The following VAC14 variants were observed in gnomAD, a reference collection of about 807,000 sequenced individuals.
VAC14 encodes protein VAC14 homolog.
VAC14 carries 47 observed loss-of-function variants against 85.3 expected under a neutral mutation model. The ratio of observed to expected loss-of-function variants is 0.55; its 90% CI spans 0.44 to 0.70. The LOEUF is 0.70. Ranked by LOEUF, VAC14 falls within the 30% of genes least tolerant of loss-of-function variation. The probability of loss-of-function intolerance (pLI) is 0.00; values close to 1 mark genes in which losing one functional copy is unlikely to be tolerated. For missense variants in VAC14, 861 were observed against 1,004.3 expected, an observed-to-expected ratio of 0.86 and a Z score of 1.93; for synonymous variants, 447 against 430.5, an observed-to-expected ratio of 1.04 and a Z score of -0.47.
chr16:70,712,956 TTCC>T (rs2054067845), intron 14 of VAC14, among the ~76,000 whole-genome samples: 1 of 152,108 alleles, frequency 6.6e-6, no homozygotes, highest in Non-Finnish European at 1.5e-5. Context: ...TAGTGGAGCT[TTCC>T]TCTCTAGAGG....
At chr16:70,694,083 C>T (rs990044848) in intron 17 of VAC14, among the ~76,000 whole-genome samples, 4 of 152,218 alleles carry the variant, frequency 2.6e-5, no homozygotes, top group Non-Finnish European at 4.4e-5. Flanking sequence ...ACACCAGCCA[C>T]CTCTAGGATC....
intron 12 of VAC14, among the ~76,000 whole-genome samples, chr16:70,751,653 AG>A (rs2031396388): frequency 6.6e-6 from 1 of 152,180 alleles, no homozygotes; most frequent in Admixed American, 6.5e-5. Context: ...GCCCTGGTTT[AG>A]GGGCATTAGC....
chr16:70,797,152 CTA>C (rs2034581092), intron 1 of VAC14, among the ~76,000 whole-genome samples: 1 of 152,164 alleles, frequency 6.6e-6, no homozygotes, highest in African/African-American at 2.4e-5. Flanking sequence ...TGTTGGCAGG[CTA>C]TGTTATTTTG....
At chr16:70,743,789 C>T (rs1207077531) in intron 13 of VAC14, among the ~76,000 whole-genome samples, 2 of 152,230 alleles carry the variant, frequency 1.3e-5, no homozygotes, top group Admixed American at 1.3e-4. Flanking sequence ...CTGAGATTCA[C>T]TGGGAACTTT....
At chr16:70,784,086 G>A in intron 5 of VAC14, 27 bp downstream of exon 5, 1 of 1,601,102 alleles carries the variant, frequency 6.2e-7, no homozygotes, top group Non-Finnish European at 8.6e-7. Context: ...CTGGAGGCTG[G>A]AGAAACGGTG....
At chr16:70,710,117 C>T (rs2053999568) in intron 14 of VAC14, among the ~76,000 whole-genome samples, 1 of 152,232 alleles carries the variant, frequency 6.6e-6, no homozygotes, top group Non-Finnish European at 1.5e-5. Context: ...CCGCATGGGA[C>T]AGGAAGGAAC....
intron 12 of VAC14, chr16:70,761,286 C>G (rs544900349): frequency 4.8e-5 from 17 of 356,144 alleles, no homozygotes; most frequent in Admixed American, 3.4e-4. Flanking sequence ...CCCATCCCCC[C>G]CACCCAGCCT....
intron 13 of VAC14, among the ~76,000 whole-genome samples, chr16:70,733,357 G>A (rs1016794355): frequency 4.6e-5 from 7 of 151,722 alleles, no homozygotes; most frequent in East Asian, 1.9e-4. Flanking sequence ...TATGGAATAC[G>A]GCTATTCTAT....
chr16:70,797,300 G>T (rs2034587581), intron 1 of VAC14, among the ~76,000 whole-genome samples: 1 of 152,132 alleles, frequency 6.6e-6, no homozygotes, highest in African/African-American at 2.4e-5. Context: ...CTCTGACACT[G>T]ACTCTTCTGG....
At chr16:70,716,235 G>T (rs1290217712) in intron 14 of VAC14, 2 of 152,162 alleles carry the variant, frequency 1.3e-5, no homozygotes, top group African/African-American at 4.8e-5. Flanking sequence ...CCCCTCCCAT[G>T]AGGCTGCAGC....
In VAC14 at chr16:70,761,599, G is replaced by A. The variant is rs117990791; in HGVS notation, c.1371+941C>T. 5.4e-3 allele frequency among the ~76,000 whole-genome samples: 818 copies of A among 152,324 alleles called. 3 individuals carry two copies. The highest frequency in any genetic ancestry group is 9.8e-3 in the Non-Finnish European group (664 of 68,034). Reference sequence around the variant, plus strand: ...CTGAGAATGGAGTGTGGAAAGGTGTGTGTGGCTGGGGCAGACTCCTGCCCA... The same window carrying A: ...CTGAGAATGGAGTGTGGAAAGGTGTATGTGGCTGGGGCAGACTCCTGCCCA... On this transcript the variant is annotated intron_variant, in intron 12 of 18. Transcript: ENST00000261776.
At chr16:70,742,039 A>G (rs1357879591) in intron 13 of VAC14, among the ~76,000 whole-genome samples, 1 of 152,196 alleles carries the variant, frequency 6.6e-6, no homozygotes, top group Non-Finnish European at 1.5e-5. Context: ...GCAGGAGCCT[A>G]AATCACAGTC....
chr16:70,790,681 C>G (rs559042328), intron 1 of VAC14, among the ~76,000 whole-genome samples: 1 of 152,160 alleles, frequency 6.6e-6, no homozygotes, highest in Non-Finnish European at 1.5e-5. Flanking sequence ...CACCCCCTCA[C>G]CTTTGCAAAG....
chr16:70,709,649 G>A (rs914553115), intron 14 of VAC14, among the ~76,000 whole-genome samples: 1 of 152,204 alleles, frequency 6.6e-6, no homozygotes, highest in African/African-American at 2.4e-5. Context: ...CCCAAACTCT[G>A]ACCCAGCGGA....
At chr16:70,731,019 T>C (rs1425357086) in intron 14 of VAC14, among the ~76,000 whole-genome samples, 3 of 152,222 alleles carry the variant, frequency 2.0e-5, no homozygotes, top group South Asian at 2.1e-4. Context: ...CTGCTGGTGA[T>C]GACAGTTCTA....
chr16:70,782,142 A>C, intron 7 of VAC14, 139 bp from the exon 8 acceptor site: 8 of 1,212,646 alleles, frequency 6.6e-6, no homozygotes, highest in Non-Finnish European at 9.1e-6. Context: ...CCAATGCTCT[A>C]CTACCTGTGT....
chr16:70,731,641 G>T lies in VAC14; in HGVS notation c.1529-14C>A. On this transcript the variant is annotated splice_polypyrimidine_tract_variant and intron_variant, in intron 13 of 18. Coordinates refer to ENST00000261776, the MANE Select transcript of VAC14 (RefSeq NM_018052.5). The stretch of plus-strand genomic sequence containing the variant: ...AGCCTTTGGTACCTGTAGAGAAAGG[G>T]ATAGAGCCAGCATTTATTCTGATTA... 6.2e-7 allele frequency: 1 copy of T among 1,612,874 alleles called. No individual in the cohort carries two copies. Among genetic ancestry groups the T allele is most frequent in the South Asian group, 1.1e-5 (1 of 91,040 alleles).
At chr16:70,705,811 C>T (rs1367165503) in intron 14 of VAC14, among the ~76,000 whole-genome samples, 1 of 152,210 alleles carries the variant, frequency 6.6e-6, no homozygotes, top group Non-Finnish European at 1.5e-5. Context: ...TCAGTTTTCC[C>T]CTATGCTCCA....
At chr16:70,697,534 C>T (rs1045391144) in intron 15 of VAC14, among the ~76,000 whole-genome samples, 1 of 152,200 alleles carries the variant, frequency 6.6e-6, no homozygotes, top group Non-Finnish European at 1.5e-5. Flanking sequence ...GGCATGTCTG[C>T]CCTTGGCAAA....
Sources: gnomAD v4.1 joint callset for allele counts (sites outside exome capture counted in the v4.1 genomes callset) on GRCh38, gnomAD v4.1.1 for gene constraint, MANE v1.5 for transcripts, NCBI Gene and HGNC (gene_info 2026-07-23, HGNC 2026-07-21) for gene names.